The following DLGAP2 variants were observed in gnomAD, a reference collection of about 807,000 sequenced individuals.
The protein encoded by DLGAP2 is DLG associated protein 2.
DLGAP2 carries 26 observed loss-of-function variants against 100.3 expected under a neutral mutation model. The ratio of observed to expected loss-of-function variants is 0.26; its 90% CI spans 0.19 to 0.36. DLGAP2 has a LOEUF of 0.36. Among genes scored for constraint, DLGAP2 ranks in the 10% least tolerant of loss-of-function variants. DLGAP2 has a pLI of 1.00. For synonymous variants in DLGAP2, 886 were observed against 630.1 expected (o/e 1.41, Z -6.08); for missense variants, 1,858 against 1,453.2 (o/e 1.28, Z -4.53).
chr8:1,256,722 A>T (rs1799230109), intron 2 of DLGAP2, among the ~76,000 whole-genome samples: 1 of 152,142 alleles, frequency 6.6e-6, no homozygotes, highest in African/African-American at 2.4e-5. Context: ...CCCGAGTGAG[A>T]TGCCTTCTCC....
chr8:1,058,906 A>G (rs1442810599), intron 2 of DLGAP2, among the ~76,000 whole-genome samples: 1 of 152,200 alleles, frequency 6.6e-6, no homozygotes, highest in East Asian at 1.9e-4. Context: ...GCCTACCTCA[A>G]AAGACCTCAT....
chr8:1,287,812 C>G (rs1269267616), intron 3 of DLGAP2, among the ~76,000 whole-genome samples: 59,641 of 74,302 alleles, frequency 0.8, 24,416 homozygotes, highest in African/African-American at 0.9. Context: ...TCTGTTAGGA[C>G]GGGAACTAGT....
At chr8:1,010,691 C>T (rs973297954) in intron 2 of DLGAP2, among the ~76,000 whole-genome samples, 1 of 152,244 alleles carries the variant, frequency 6.6e-6, no homozygotes, top group African/African-American at 2.4e-5. Context: ...ATTTCAGGAA[C>T]CTAAGAATAA....
chr8:997,880 ACATG>A (rs1800827706), intron 2 of DLGAP2, among the ~76,000 whole-genome samples: 1 of 152,048 alleles, frequency 6.6e-6, no homozygotes, highest in Non-Finnish European at 1.5e-5. Context: ...ACACATACAC[ACATG>A]CATAAACACC....
chr8:1,419,788 A>C lies in DLGAP2; in HGVS notation c.107-81578A>C, dbSNP rs573136682. 1.3e-3 allele frequency among the ~76,000 whole-genome samples: 195 copies of C among 152,330 alleles called. 1 individual carries two copies. Among genetic ancestry groups the C allele is most frequent in the Middle Eastern group, 6.8e-3 (2 of 294 alleles). ...ATATAAATTAGTCTAGCCACTAAGG[A>C]AAACAGCATGGAGGTTCCTCAAAAA... On this transcript the variant is annotated intron_variant, in intron 3 of 14. Coordinates refer to ENST00000637795, the MANE Select transcript of DLGAP2 (RefSeq NM_001346810.2).
At chr8:842,309 T>C (rs1585921506) in intron 1 of DLGAP2, among the ~76,000 whole-genome samples, 1 of 152,212 alleles carries the variant, frequency 6.6e-6, no homozygotes, top group East Asian at 1.9e-4. Context: ...CCTTTATACC[T>C]GAAGACCAGG....
At chr8:1,362,577 A>T (rs1473012263) in intron 3 of DLGAP2, among the ~76,000 whole-genome samples, 1 of 152,134 alleles carries the variant, frequency 6.6e-6, no homozygotes, top group Non-Finnish European at 1.5e-5. Context: ...TCACGGCCAC[A>T]GTCACCATGG....
chr8:1,214,379 C>T (rs1798169611), intron 2 of DLGAP2, among the ~76,000 whole-genome samples: 1 of 152,156 alleles, frequency 6.6e-6, no homozygotes, highest in Admixed American at 6.5e-5. Flanking sequence ...GAAGAGGTGC[C>T]ATTGCTGATG....
At chr8:977,524 A>G (rs1800196884) in intron 2 of DLGAP2, among the ~76,000 whole-genome samples, 1 of 152,180 alleles carries the variant, frequency 6.6e-6, no homozygotes, top group African/African-American at 2.4e-5. Context: ...GCTTCAAATT[A>G]TTGCCAGTTA....
chr8:936,570 C>T (rs931780706), intron 2 of DLGAP2, among the ~76,000 whole-genome samples: 3 of 152,274 alleles, frequency 2.0e-5, no homozygotes, highest in Admixed American at 6.5e-5. Flanking sequence ...TTAGACATGA[C>T]GGATGACAGA....
At chr8:1,454,720 G>C (rs1377348814) in intron 3 of DLGAP2, among the ~76,000 whole-genome samples, 1 of 152,288 alleles carries the variant, frequency 6.6e-6, no homozygotes, top group East Asian at 1.9e-4. Context: ...TGAGATATCT[G>C]TTTTGTGGTT....
intron 2 of DLGAP2, among the ~76,000 whole-genome samples, chr8:1,240,781 G>C (rs1798775669): frequency 7.9e-5 from 1 of 12,594 alleles, no homozygotes; most frequent in Non-Finnish European, 1.8e-4. Context: ...GTCTCACATG[G>C]TGCCGTTTCT....
chr8:786,274 T>C (rs962462542), intron 1 of DLGAP2, among the ~76,000 whole-genome samples: 5 of 151,016 alleles, frequency 3.3e-5, no homozygotes, highest in Admixed American at 6.6e-5. Flanking sequence ...GCAGAGAGGG[T>C]GCAGTTGGTC....
intron 6 of DLGAP2, among the ~76,000 whole-genome samples, chr8:1,585,788 C>T (rs1448160151): frequency 6.6e-6 from 1 of 152,216 alleles, no homozygotes; most frequent in Non-Finnish European, 1.5e-5. Flanking sequence ...AGTTATTAAA[C>T]TGATGCTTAA....
chr8:1,150,931 A>C (rs1380364304), intron 2 of DLGAP2, among the ~76,000 whole-genome samples: 1 of 152,206 alleles, frequency 6.6e-6, no homozygotes, highest in Non-Finnish European at 1.5e-5. Flanking sequence ...TTTCTGAGAT[A>C]ATCATTATTA....
At chr8:960,856 T>TA (rs1799709220) in intron 2 of DLGAP2, among the ~76,000 whole-genome samples, 1 of 152,232 alleles carries the variant, frequency 6.6e-6, no homozygotes. Flanking sequence ...CTTCTTGACT[T>TA]ACGATGGGGT....
At chr8:1,555,105 T>A (rs886189077) in intron 5 of DLGAP2, among the ~76,000 whole-genome samples, 3 of 151,736 alleles carry the variant, frequency 2.0e-5, no homozygotes, top group Non-Finnish European at 4.4e-5. Context: ...GATAGGAGAG[T>A]TGGGGTGTGG....
intron 1 of DLGAP2, among the ~76,000 whole-genome samples, chr8:757,357 C>T (rs1341715510): frequency 1.3e-5 from 2 of 152,180 alleles, no homozygotes; most frequent in Non-Finnish European, 2.9e-5. Flanking sequence ...CTAAGAAGGC[C>T]CCCATGAGAT....
At chr8:928,917 C>T (rs904723159) in intron 2 of DLGAP2, among the ~76,000 whole-genome samples, 1 of 151,698 alleles carries the variant, frequency 6.6e-6, no homozygotes, top group African/African-American at 2.4e-5. Flanking sequence ...GCTTTTCAGG[C>T]AGTTTTGGCT....
Sources: allele counts gnomAD v4.1 joint callset (sites outside exome capture counted in the v4.1 genomes callset), GRCh38; gene constraint gnomAD v4.1.1; transcripts MANE v1.5; gene names NCBI Gene and HGNC (gene_info 2026-07-23, HGNC 2026-07-21).